The following PCSK2 variants were observed in gnomAD, a reference collection of about 807,000 sequenced individuals.
The protein encoded by PCSK2 is neuroendocrine convertase 2.
In PCSK2, 14 loss-of-function variants were observed where a neutral mutation model predicts 69.7. That is an observed-to-expected ratio of 0.20 (90% CI 0.13 to 0.31). The LOEUF (loss-of-function observed/expected upper bound fraction) is 0.31. Ranked by LOEUF, PCSK2 falls within the 10% of genes least tolerant of loss-of-function variation. The pLI, the probability that PCSK2 is intolerant of heterozygous loss-of-function variation, is 1.00. For synonymous variants in PCSK2, 307 were observed against 320.7 expected (o/e 0.96, Z 0.46); for missense variants, 544 against 842.5 (o/e 0.65, Z 4.39).
intron 7 of PCSK2, among the ~76,000 whole-genome samples, chr20:17,435,870 GGA>G (rs2032474980): frequency 6.6e-6 from 1 of 152,188 alleles, no homozygotes; most frequent in Non-Finnish European, 1.5e-5. Context: ...AGATCCCCCT[GGA>G]GAGGCCTTTG....
At chr20:17,301,093 A>G (rs1211575680) in intron 2 of PCSK2, among the ~76,000 whole-genome samples, 1 of 152,200 alleles carries the variant, frequency 6.6e-6, no homozygotes, top group Non-Finnish European at 1.5e-5. Flanking sequence ...GCCTTCTAAA[A>G]TCAATTTAGA....
chr20:17,347,933 AG>A, intron 2 of PCSK2, among the ~76,000 whole-genome samples: 2 of 47,100 alleles, frequency 4.2e-5, no homozygotes, highest in African/African-American at 1.9e-4. Context: ...GAGAGAAAAA[AG>A]AGAAAGAAAG....
intron 2 of PCSK2, among the ~76,000 whole-genome samples, chr20:17,312,173 G>C (rs1340937): frequency 0.59 from 90,196 of 152,018 alleles, 27,774 homozygotes; most frequent in East Asian, 0.79. Context: ...TTATGGACTT[G>C]GAAACTTGGA....
rs754553178 is a variant in PCSK2 at position 17,442,589 on chromosome 20, TCTCC to T, written c.885+5717_885+5720del. On this transcript the variant is annotated intron_variant, in intron 8 of 11. Transcript: ENST00000262545. The stretch of plus-strand genomic sequence containing the variant: ...TCTTCTAGTTCAGGACCTTGAGAAG[TCTCC>T]CTCCCTCCCTTCTCTGATGTAGCTT... Among the ~76,000 whole-genome samples the T allele has an allele frequency of 3.9e-5, 6 of 152,176 alleles. No homozygotes were observed. The Middle Eastern group carries it at 0.014, about 345-fold the overall frequency.
At chr20:17,326,644 A>C (rs1404528953) in intron 2 of PCSK2, among the ~76,000 whole-genome samples, 1 of 152,242 alleles carries the variant, frequency 6.6e-6, no homozygotes, top group Non-Finnish European at 1.5e-5. Context: ...AAATGGTTTT[A>C]ACAAACACAG....
At chr20:17,347,586 C>A (rs905111654) in intron 2 of PCSK2, among the ~76,000 whole-genome samples, 1 of 152,060 alleles carries the variant, frequency 6.6e-6, no homozygotes, top group African/African-American at 2.4e-5. Flanking sequence ...CAACAGTGAA[C>A]CCTCATGTAA....
intron 2 of PCSK2, among the ~76,000 whole-genome samples, chr20:17,319,589 A>G (rs1417360764): frequency 2.0e-5 from 3 of 152,184 alleles, no homozygotes; most frequent in Non-Finnish European, 4.4e-5. Context: ...GCATCTGCTT[A>G]TAGCATGTTT....
intron 2 of PCSK2, among the ~76,000 whole-genome samples, chr20:17,308,179 T>C (rs1428547283): frequency 1.3e-5 from 2 of 152,174 alleles, no homozygotes; most frequent in African/African-American, 4.8e-5. Flanking sequence ...TTCACTGTCA[T>C]GATAATGGCA....
At chr20:17,368,069 C>T (rs894475436) in intron 4 of PCSK2, among the ~76,000 whole-genome samples, 3 of 151,284 alleles carry the variant, frequency 2.0e-5, no homozygotes, top group Non-Finnish European at 4.4e-5. Flanking sequence ...ATTGTATAAC[C>T]GGAAAAAAAA....
intron 11 of PCSK2, among the ~76,000 whole-genome samples, chr20:17,480,639 C>T (rs2033383462): frequency 6.6e-6 from 1 of 152,178 alleles, no homozygotes; most frequent in Non-Finnish European, 1.5e-5. Flanking sequence ...TGGGTGCTGA[C>T]AGTTTTTTGA....
chr20:17,391,739 T>C (rs191873737), intron 5 of PCSK2, among the ~76,000 whole-genome samples: 97 of 152,130 alleles, frequency 6.4e-4, no homozygotes, highest in Admixed American at 2.5e-3. Context: ...TGGTGACATA[T>C]GGGTGCCTGT....
At chr20:17,406,862 C>T (rs917435566) in intron 5 of PCSK2, among the ~76,000 whole-genome samples, 7 of 152,264 alleles carry the variant, frequency 4.6e-5, no homozygotes, top group African/African-American at 1.2e-4. Context: ...TCTCCAGAAG[C>T]GCCCTCAAGC....
intron 2 of PCSK2, among the ~76,000 whole-genome samples, chr20:17,279,749 T>A (rs148038554): frequency 7.1e-6 from 1 of 141,826 alleles, no homozygotes; most frequent in African/African-American, 2.7e-5. Context: ...ATCGCGCCAC[T>A]GCACTCCTGC....
At chr20:17,361,062 T>C (rs1184042217) in intron 4 of PCSK2, among the ~76,000 whole-genome samples, 1 of 152,218 alleles carries the variant, frequency 6.6e-6, no homozygotes, top group Non-Finnish European at 1.5e-5. Flanking sequence ...AAATAAAATG[T>C]AAAATTTTAT....
chr20:17,466,824 G>A (rs145389437), intron 11 of PCSK2, among the ~76,000 whole-genome samples: 10 of 152,168 alleles, frequency 6.6e-5, no homozygotes, highest in African/African-American at 1.4e-4. Flanking sequence ...TCGTCCACAC[G>A]CTCCACAGGC....
Position 17,409,314 on chromosome 20 carries a change from C to T in PCSK2, c.595C>T (p.Arg199Trp). 1 of 1,613,730 alleles carries T rather than the reference C, an allele frequency of 6.2e-7. No individual in the cohort carries two copies. The highest frequency in any genetic ancestry group is 8.5e-7 in the Non-Finnish European group (1 of 1,179,652). The stretch of plus-strand genomic sequence containing the variant: ...CAGCAACGACCCCTATCCTTACCCT[C>T]GGTACACAGATGACTGGTTTAACAG... ...FSSNDPYPYP[R>W]YTDDWFNSHG... Residue 199 changes from arginine to tryptophan, a missense_variant, in exon 6 of 12, where the codon CGG (arginine) becomes TGG (tryptophan). Physicochemically the swap from Arg to Trp is moderately radical, Grantham distance 101. Around this residue, in one of 3 missense-constraint regions of PCSK2, gnomAD observed 187 missense variants for 399.8 expected, o/e 0.47. Transcript: ENST00000262545.
At chr20:17,470,355 A>C (rs988395967) in intron 11 of PCSK2, among the ~76,000 whole-genome samples, 1 of 152,222 alleles carries the variant, frequency 6.6e-6, no homozygotes, top group Non-Finnish European at 1.5e-5. Flanking sequence ...GGTGGCTACC[A>C]TCTTGGACAG....
intron 1 of PCSK2, among the ~76,000 whole-genome samples, chr20:17,248,764 G>A (rs371578572): frequency 1.3e-5 from 2 of 152,278 alleles, no homozygotes; most frequent in South Asian, 4.1e-4. Flanking sequence ...ACAGCAGTGG[G>A]GATGTCACCC....
At position 17,481,810 on chromosome 20, in the gene PCSK2, C is replaced by A; in HGVS notation, c.1657C>A (p.Pro553Thr). ...DDSKVGFDKW[P>T]FMTTHTWGED... ...CTCCAAGGTGGGCTTTGACAAGTGG[C>A]CTTTCATGACCACTCACACGTGGGG... is the stretch of plus-strand genomic sequence containing the variant. Residue 553 changes from proline (P) to threonine (T), a missense_variant, in exon 12 of 12, where the codon CCT (proline) becomes ACT (threonine). Physicochemically the swap from Pro to Thr is conservative, Grantham distance 38. Coordinates refer to ENST00000262545, the MANE Select transcript of PCSK2 (RefSeq NM_002594.5). The A allele has an allele frequency of 6.2e-7, 1 of 1,614,164 alleles. No homozygotes were observed. Among genetic ancestry groups the A allele is most frequent in the Non-Finnish European group, 8.5e-7 (1 of 1,180,022 alleles).
Sources: allele counts gnomAD v4.1 joint callset (sites outside exome capture counted in the v4.1 genomes callset), GRCh38; gene constraint gnomAD v4.1.1; regional missense constraint gnomAD v4.1.1; transcripts MANE v1.5; gene names NCBI Gene and HGNC (gene_info 2026-07-23, HGNC 2026-07-21).